The following IBTK variants were observed in gnomAD, a reference collection of about 807,000 sequenced individuals.
IBTK encodes the protein BTK-binding protein.
Under a neutral mutation model 154.9 loss-of-function variants are expected in IBTK, and 83 were observed. The ratio of observed to expected loss-of-function variants is 0.54; its 90% confidence interval spans 0.45 to 0.64. IBTK has a LOEUF of 0.64. Among genes scored for constraint, IBTK ranks in the 30% least tolerant of loss-of-function variants. IBTK has a pLI of 0.00. For synonymous variants in IBTK, 515 were observed against 536.1 expected, an observed-to-expected ratio of 0.96 and a Z score of 0.54; for missense variants, 1,332 against 1,584.6, an observed-to-expected ratio of 0.84 and a Z score of 2.71.
At chr6:82,177,626 C>G (rs1355795015) in intron 26 of IBTK, among the ~76,000 whole-genome samples, 2 of 152,124 alleles carry the variant, frequency 1.3e-5, no homozygotes, top group South Asian at 2.1e-4. Flanking sequence ...GTTGGTCAGG[C>G]TGGTCTTGAA....
In IBTK at chr6:82,171,530, T is replaced by C; in HGVS notation, c.3957A>G (p.Leu1319=). The change falls in exon 29 of 29, where the codon TTA becomes TTG. Residue 1319 remains leucine, a synonymous_variant. Transcript: ENST00000306270. ...TGCCAAATGCCTCATAGAAAACCAA[T>C]AAATCTTGTATGGCATGCTCCTCAA... The part of the protein sequence containing the change: ...IQIEEHAIQD[L]LVFYEAFGNP... 6.2e-7 allele frequency: 1 copy of C among 1,608,008 alleles called. No homozygotes were observed. The highest frequency in any genetic ancestry group is 8.5e-7 in the Non-Finnish European group (1 of 1,176,346).
Position 82,216,096 on chromosome 6 carries a change from C to A in IBTK, c.1581G>T (p.Leu527=). 5.6e-6 allele frequency: 9 copies of A among 1,609,034 alleles called. No homozygotes were observed. The highest frequency in any genetic ancestry group is 6.8e-6 in the Non-Finnish European group (8 of 1,178,600). ...TDPSGCNFAI[L]QSDPKTSLYE... ...TATACCTTGTTTTAGGATCTGACTG[C>A]AGGATTGCAAAGTTGCATCCACTTG... is the stretch of plus-strand genomic sequence containing the variant. Residue 527 remains leucine (L), a synonymous_variant, in exon 11 of 29, where the codon CTG becomes CTT. Transcript: ENST00000306270.
rs73482637 is a variant in IBTK, at chr6:82,190,284, C to T, written c.3575+789G>A. On this transcript the variant is annotated intron_variant, in intron 25 of 28. Transcript: ENST00000306270. Reference sequence around the variant, plus strand: ...CCTTCTTACAAACAGAATAATGTGGCCTTAGAAACATTGAAAGGATTCCCC... The same window carrying T: ...CCTTCTTACAAACAGAATAATGTGGTCTTAGAAACATTGAAAGGATTCCCC... Among the ~76,000 whole-genome samples, 681 of 152,142 alleles carry T rather than the reference C, an allele frequency of 4.5e-3. 4 individuals carry two copies. The highest frequency in any genetic ancestry group is 0.015 in the African/African-American group (624 of 41,536).
At chr6:82,173,593 A>G in intron 26 of IBTK, 155 bp from the exon 27 acceptor site, 1 of 480,252 alleles carries the variant, frequency 2.1e-6, no homozygotes, top group Non-Finnish European at 3.7e-6. Context: ...TAAGTAAACA[A>G]AATAATCTAT....
chr6:82,195,267 T>C (rs1768937680), intron 22 of IBTK, among the ~76,000 whole-genome samples: 2 of 151,988 alleles, frequency 1.3e-5, no homozygotes, highest in Admixed American at 6.6e-5. Context: ...CAAACTTCTA[T>C]CCTATATTTT....
intron 3 of IBTK, among the ~76,000 whole-genome samples, chr6:82,233,169 A>T (rs967148298): frequency 2.0e-5 from 3 of 151,810 alleles, no homozygotes; most frequent in African/African-American, 4.8e-5. Context: ...AAAAAAAAAA[A>T]AAAAAAAATT....
chr6:82,214,310 T>G lies in IBTK; in HGVS notation c.2121A>C (p.Lys707Asn). Residue 707 changes from lysine (K) to asparagine (N), a missense_variant, in exon 12 of 29, where the codon AAA becomes AAC. Lys to Asn is a moderately conservative substitution (Grantham distance 94, BLOSUM62 0). This residue lies in a region of IBTK where 1,134 missense variants were observed against 1,274.7 expected (regional missense o/e 0.89). Transcript: ENST00000306270. ...RQKSKPKSCK[K>N]GKNIREDDPV... ...GATCATCTTCCCTAATATTTTTTCC[T>G]TTTTTACAAGATTTAGGTTTGCTCT... The G allele has an allele frequency of 2.5e-6, 4 of 1,613,908 alleles. No individual in the cohort carries two copies. Among genetic ancestry groups the G allele is most frequent in the Non-Finnish European group, 2.5e-6 (3 of 1,179,910 alleles).
Position 82,220,634 on chromosome 6 carries a change from C to T in IBTK, c.1204G>A (p.Gly402Arg), listed in dbSNP as rs768692776. 1 of 1,611,974 alleles carries T rather than the reference C, an allele frequency of 6.2e-7. No individual in the cohort carries two copies. Among genetic ancestry groups the T allele is most frequent in the Non-Finnish European group, 8.5e-7 (1 of 1,179,328 alleles). Residue 402 changes from glycine (G) to arginine (R), a missense_variant, in exon 9 of 29, where the codon GGG becomes AGG. Gly to Arg is a moderately radical substitution (Grantham distance 125). This residue lies in a region of IBTK where 1,134 missense variants were observed against 1,274.7 expected (regional missense o/e 0.89). Coordinates refer to ENST00000306270, the MANE Select transcript of IBTK (RefSeq NM_015525.4). ...KVDPEHLKEN[G>R]GQKICILAMD... ...GCAAGAATGCAAATTTTTTGACCCC[C>T]ATTTTCTTTCAAATGTTCAGGATCA...
chr6:82,232,051 T>C lies in IBTK; in HGVS notation c.419-209A>G, dbSNP rs1370589234. On this transcript the variant is annotated intron_variant, in intron 3 of 28. Coordinates refer to ENST00000306270, the MANE Select transcript of IBTK (RefSeq NM_015525.4). ...AAACATTTGTTCCTTGCTTCTTTTT[T>C]TTTTGTTGTTGTTTTTTTTTAATAA... is the stretch of plus-strand genomic sequence containing the variant. 2.5e-4 allele frequency among the ~76,000 whole-genome samples: 31 copies of C among 126,164 alleles called. No individual in the cohort carries two copies. In the Admixed American group the frequency reaches 2.6e-3, roughly 11 times the overall value. 82.8% of individuals were successfully genotyped at this position (126,164 alleles called of 152,430 possible).
chr6:82,237,664 A>G (rs1004458149), intron 2 of IBTK, among the ~76,000 whole-genome samples: 11 of 148,172 alleles, frequency 7.4e-5, no homozygotes, highest in Non-Finnish European at 1.2e-4. Context: ...TAGTAGTGGT[A>G]GTAGTAGTAG....
intron 2 of IBTK, among the ~76,000 whole-genome samples, chr6:82,239,258 G>A (rs904397987): frequency 5.3e-5 from 8 of 151,448 alleles, no homozygotes; most frequent in African/African-American, 1.5e-4. Context: ...TGGCTAACAC[G>A]GTGAAACCCC....
chr6:82,181,758 G>A (rs184356704), intron 26 of IBTK, 121 bp downstream of exon 26: 14 of 634,156 alleles, frequency 2.2e-5, no homozygotes, highest in African/African-American at 2.1e-4. Context: ...TTTTAATTCT[G>A]AATGTAAAAG....
chr6:82,197,388 T>TTTTTTTTTTTG (rs397774527), intron 21 of IBTK, among the ~76,000 whole-genome samples: 1 of 151,462 alleles, frequency 6.6e-6, no homozygotes, highest in Non-Finnish European at 1.5e-5. Context: ...TTTTTTTTTT[T>TTTTTTTTTTTG]GAGACAGAGT....
chr6:82,235,707 T>TA (rs947719713), intron 2 of IBTK, among the ~76,000 whole-genome samples: 20 of 152,220 alleles, frequency 1.3e-4, no homozygotes, highest in African/African-American at 4.8e-4. Context: ...ATTTATAATT[T>TA]GACAGTTAAT....
At position 82,214,353 on chromosome 6, in the gene IBTK, G is replaced by A; in HGVS notation, c.2078C>T (p.Thr693Ile). Residue 693 changes from threonine (T) to isoleucine (I), a missense_variant, in exon 12 of 29, where the codon ACA becomes ATA. Physicochemically the swap from Thr to Ile is moderately conservative, Grantham distance 89. Transcript: ENST00000306270. ...FEVYKSNQAQTVSERQKSKPK... is the reference protein window; with the variant it reads ...FEVYKSNQAQIVSERQKSKPK... ...TTTGCTCTTCTGCCTCTCACTAACT[G>A]TTTGAGCTTGATTACTTTTGTAAAC... 1.2e-6 allele frequency: 2 copies of A among 1,613,940 alleles called. No homozygotes were observed. Among genetic ancestry groups the A allele is most frequent in the South Asian group, 2.2e-5 (2 of 91,082 alleles).
intron 2 of IBTK, among the ~76,000 whole-genome samples, chr6:82,237,775 T>C (rs1247469912): frequency 6.6e-6 from 1 of 151,700 alleles, no homozygotes; most frequent in African/African-American, 2.4e-5. Flanking sequence ...AAATTATTCT[T>C]ATCAGTAAAT....
rs754960032 is a variant in IBTK at position 82,194,662 on chromosome 6, A to T, written c.3175-20T>A. 9.1e-6 allele frequency: 14 copies of T among 1,545,298 alleles called. No homozygotes were observed. The highest frequency in any genetic ancestry group is 8.3e-5 in the African/African-American group (6 of 71,898). ...TTTCGCCTGGGGAGAGAAAAAAAAT[A>T]AAAAAAGTTAACAGGCACCTAGAAC... On this transcript the variant is annotated intron_variant, in intron 22 of 28. Transcript: ENST00000306270.
At chr6:82,224,742 T>A (rs1349133165) in intron 6 of IBTK, among the ~76,000 whole-genome samples, 2 of 152,212 alleles carry the variant, frequency 1.3e-5, no homozygotes, top group East Asian at 3.9e-4. Context: ...AGAGGCAGAT[T>A]TACTGAAGCA....
chr6:82,244,469 A>G (rs1255651715), intron 1 of IBTK, among the ~76,000 whole-genome samples: 1 of 152,224 alleles, frequency 6.6e-6, no homozygotes, highest in Non-Finnish European at 1.5e-5. Flanking sequence ...ACATTTAAGC[A>G]TGGGCTCTCT....
Sources: gnomAD v4.1 joint callset for allele counts (sites outside exome capture counted in the v4.1 genomes callset) on GRCh38, gnomAD v4.1.1 for gene constraint, gnomAD v4.1.1 regional missense constraint, MANE v1.5 for transcripts, NCBI Gene and HGNC (gene_info 2026-07-23, HGNC 2026-07-21) for gene names.